Variants in ARK2C observed in about 807,000 individuals in gnomAD.
ARK2C encodes the protein arkadia (RNF111) C-terminal like ring finger ubiquitin ligase 2C, also known as E3 ubiquitin-protein ligase ARK2C.
At chr18:46,458,248 G>T in the ARK2C span, 605 of 152,720 alleles carry the variant, frequency 4.0e-3, 5 homozygotes, top group African/African-American at 0.013. Context: ...GAACCCCAAA[G>T]GGAGCAGAGA....
At chr18:46,426,015 G>A in the ARK2C span, among the ~76,000 whole-genome samples, 3 of 152,112 alleles carry the variant, frequency 2.0e-5, no homozygotes, top group Non-Finnish European at 4.4e-5. Flanking sequence ...TTTTATAAGG[G>A]CAATAATCCT....
chr18:46,418,368 T>G, the ARK2C span, among the ~76,000 whole-genome samples: 9 of 152,062 alleles, frequency 5.9e-5, no homozygotes, highest in African/African-American at 2.4e-5. Flanking sequence ...AAAAAAAAGG[T>G]GAAAATGGGA....
At chr18:46,357,640 C>T in the ARK2C span, among the ~76,000 whole-genome samples, 12 of 152,248 alleles carry the variant, frequency 7.9e-5, 1 homozygote, top group East Asian at 1.7e-3. Flanking sequence ...GCACTGGGCT[C>T]GAGGCCTGGG....
chr18:46,390,376 A>G, the ARK2C span, among the ~76,000 whole-genome samples: 2 of 152,210 alleles, frequency 1.3e-5, no homozygotes, highest in East Asian at 1.9e-4. Flanking sequence ...AGATTAAGCC[A>G]GAGTTGGGGA....
At chr18:46,392,775 CG>C in the ARK2C span, among the ~76,000 whole-genome samples, 2 of 152,162 alleles carry the variant, frequency 1.3e-5, no homozygotes, top group Non-Finnish European at 2.9e-5. Flanking sequence ...CCAGCCCGGA[CG>C]GGGCCTGTGT....
chr18:46,430,655 G>C, the ARK2C span, among the ~76,000 whole-genome samples: 1 of 151,896 alleles, frequency 6.6e-6, no homozygotes, highest in Non-Finnish European at 1.5e-5. Flanking sequence ...CCATTTCTCT[G>C]TCTTCTCATT....
the ARK2C span, among the ~76,000 whole-genome samples, chr18:46,379,907 G>A: frequency 2.0e-5 from 3 of 152,286 alleles, no homozygotes; most frequent in East Asian, 5.8e-4. Context: ...GGCCTCCTTG[G>A]CCCACTGGGA....
At chr18:46,456,489 G>A in the ARK2C span, 6 of 1,521,828 alleles carry the variant, frequency 3.9e-6, no homozygotes, top group Non-Finnish European at 3.6e-6. Flanking sequence ...AGCTCTTGCC[G>A]GGCCTCTGAC....
At chr18:46,384,516 C>T in the ARK2C span, among the ~76,000 whole-genome samples, 1 of 152,182 alleles carries the variant, frequency 6.6e-6, no homozygotes, top group South Asian at 2.1e-4. Context: ...GAATATTTCT[C>T]ATGGATACAC....
the ARK2C span, among the ~76,000 whole-genome samples, chr18:46,359,896 C>T: frequency 6.6e-6 from 1 of 152,220 alleles, no homozygotes. Flanking sequence ...GACATTTTCA[C>T]TTAAATCTGA....
At chr18:46,350,743 T>C in the ARK2C span, among the ~76,000 whole-genome samples, 1 of 152,224 alleles carries the variant, frequency 6.6e-6, no homozygotes, top group East Asian at 1.9e-4. Context: ...AGAGATCATA[T>C]GATACTAATG....
chr18:46,355,374 C>G, the ARK2C span, among the ~76,000 whole-genome samples: 1 of 152,272 alleles, frequency 6.6e-6, no homozygotes, highest in Middle Eastern at 3.4e-3. Context: ...CTCTCAGGGC[C>G]TCGGGCTCCT....
chr18:46,440,731 G>A, the ARK2C span, among the ~76,000 whole-genome samples: 1 of 152,100 alleles, frequency 6.6e-6, no homozygotes, highest in South Asian at 2.1e-4. Context: ...ATCCGAATAA[G>A]TTTTACACAT....
At chr18:46,352,588 C>T in the ARK2C span, among the ~76,000 whole-genome samples, 43 of 152,238 alleles carry the variant, frequency 2.8e-4, no homozygotes, top group African/African-American at 9.9e-4. Flanking sequence ...TCCACCCTCC[C>T]TAGGATATGG....
chr18:46,419,769 G>T, the ARK2C span, among the ~76,000 whole-genome samples: 1 of 152,170 alleles, frequency 6.6e-6, no homozygotes, highest in African/African-American at 2.4e-5. Flanking sequence ...TCTGCTGCTT[G>T]TTAGGCATAT....
At chr18:46,418,174 C>A in the ARK2C span, among the ~76,000 whole-genome samples, 4 of 151,984 alleles carry the variant, frequency 2.6e-5, no homozygotes, top group Non-Finnish European at 5.9e-5. Context: ...CATAGTGAGA[C>A]CCCTATCTCT....
the ARK2C span, among the ~76,000 whole-genome samples, chr18:46,378,660 T>G: frequency 6.6e-6 from 1 of 152,170 alleles, no homozygotes; most frequent in African/African-American, 2.4e-5. Context: ...TTGAGAGCAT[T>G]CTGGGCAGAG....
chr18:46,374,437 CT>C, the ARK2C span, among the ~76,000 whole-genome samples: 2 of 152,296 alleles, frequency 1.3e-5, no homozygotes, highest in East Asian at 3.9e-4. Context: ...CCGCCAGCCC[CT>C]GGCAGCCTTT....
At chr18:46,389,660 G>A in the ARK2C span, among the ~76,000 whole-genome samples, 7 of 152,126 alleles carry the variant, frequency 4.6e-5, no homozygotes, top group East Asian at 1.9e-4. Flanking sequence ...CCACCCGGGA[G>A]CTGTCTTAGG....
Sources: gnomAD v4.1 joint callset for allele counts (sites outside exome capture counted in the v4.1 genomes callset) on GRCh38, gnomAD v4.1.1 for gene constraint, MANE v1.5 for transcripts, NCBI Gene and HGNC (gene_info 2026-07-23, HGNC 2026-07-21) for gene names.